Variants in ST3GAL1 observed in about 807,000 individuals in gnomAD.
ST3GAL1 encodes the protein CMP-N-acetylneuraminate-beta-galactosamide-alpha-2,3-sialyltransferase 1.
A neutral mutation model predicts 34.1 loss-of-function variants in ST3GAL1; 16 were observed. The ratio of observed to expected loss-of-function variants is 0.47; its 90% CI spans 0.32 to 0.71. The LOEUF (loss-of-function observed/expected upper bound fraction) is 0.71. Among genes scored for constraint, ST3GAL1 ranks in the 30% least tolerant of loss-of-function variants. The pLI is 0.04. For missense variants in ST3GAL1, 353 were observed against 447.4 expected, an observed-to-expected ratio of 0.79 and a Z score of 1.90; for synonymous variants, 191 against 184.7, an observed-to-expected ratio of 1.03 and a Z score of -0.28.
chr8:133,553,719 T>C (rs541576353), intron 1 of ST3GAL1, among the ~76,000 whole-genome samples: 173 of 152,190 alleles, frequency 1.1e-3, no homozygotes, highest in Non-Finnish European at 2.1e-3. Flanking sequence ...TAGTAAAGCA[T>C]AGAGCACCAG....
At chr8:133,560,221 A>G (rs1819177299) in intron 1 of ST3GAL1, among the ~76,000 whole-genome samples, 1 of 149,340 alleles carries the variant, frequency 6.7e-6, no homozygotes, top group Non-Finnish European at 1.5e-5. Context: ...CTCACTACGT[A>G]CCCCATAAAT....
chr8:133,560,627 G>A (rs1819193076), intron 1 of ST3GAL1, among the ~76,000 whole-genome samples: 2 of 152,192 alleles, frequency 1.3e-5, no homozygotes, highest in Non-Finnish European at 2.9e-5. Context: ...GCTGGGCTGG[G>A]GGCCAGGCAC....
At chr8:133,509,266 C>T (rs1365166934) in intron 2 of ST3GAL1, among the ~76,000 whole-genome samples, 2 of 152,328 alleles carry the variant, frequency 1.3e-5, no homozygotes, top group Admixed American at 6.5e-5. Flanking sequence ...ATGCAGTGAG[C>T]GGCTACTGAA....
At chr8:133,538,969 G>C (rs1818386496) in intron 2 of ST3GAL1, among the ~76,000 whole-genome samples, 1 of 152,146 alleles carries the variant, frequency 6.6e-6, no homozygotes, top group African/African-American at 2.4e-5. Context: ...CCGTAAAAAA[G>C]GGAAATGACA....
At chr8:133,568,594 G>A (rs749314286) in intron 1 of ST3GAL1, among the ~76,000 whole-genome samples, 2 of 152,030 alleles carry the variant, frequency 1.3e-5, no homozygotes, top group Non-Finnish European at 2.9e-5. Flanking sequence ...GGTCGCTTTT[G>A]GTGGTGTGGG....
intron 3 of ST3GAL1, among the ~76,000 whole-genome samples, chr8:133,498,047 G>A (rs916116350): frequency 2.6e-5 from 4 of 152,188 alleles, no homozygotes; most frequent in African/African-American, 9.7e-5. Flanking sequence ...CTGTCCAAAT[G>A]CCTTCCTTGG....
intron 2 of ST3GAL1, among the ~76,000 whole-genome samples, chr8:133,531,078 G>C (rs1171535246): frequency 6.6e-6 from 1 of 151,702 alleles, no homozygotes; most frequent in East Asian, 1.9e-4. Context: ...AGCAGTGGCT[G>C]TCCCCCGCTC....
intron 2 of ST3GAL1, among the ~76,000 whole-genome samples, chr8:133,502,414 T>C (rs1817209140): frequency 1.5e-5 from 2 of 133,008 alleles, no homozygotes; most frequent in South Asian, 2.8e-4. Context: ...TCTGCTAGAA[T>C]TGATGTCCTT....
Position 133,556,323 on chromosome 8 carries a change from C to G in ST3GAL1, c.-581-10397G>C, listed in dbSNP as rs1020463672. 6.6e-6 allele frequency among the ~76,000 whole-genome samples: 1 copy of G among 152,242 alleles called. No individual in the cohort carries two copies. The highest frequency in any genetic ancestry group is 2.4e-5 in the African/African-American group (1 of 41,466). The stretch of plus-strand genomic sequence containing the variant: ...CCCAGATCTCACCACTGATCAACAG[C>G]AGGCCTGGTGACTCCAGAGCCTGTC... On this transcript the variant is annotated intron_variant, in intron 1 of 9. Transcript: ENST00000522652. This position sits in a 1 kb window ranked among gnomAD's most constrained non-coding sequence, Gnocchi z 8.9.
chr8:133,561,108 CTTTTTT>C (rs765993286), intron 1 of ST3GAL1, among the ~76,000 whole-genome samples: 4 of 106,214 alleles, frequency 3.8e-5, no homozygotes, highest in Non-Finnish European at 7.6e-5. Flanking sequence ...CCAGAGCCAT[CTTTTTT>C]TTTTTTTTTT....
chr8:133,558,747 T>C (rs1168035724), intron 1 of ST3GAL1, among the ~76,000 whole-genome samples: 1 of 152,184 alleles, frequency 6.6e-6, no homozygotes, highest in Non-Finnish European at 1.5e-5. Flanking sequence ...CCAGTATATT[T>C]TTTTCTCCTT....
intron 3 of ST3GAL1, among the ~76,000 whole-genome samples, chr8:133,485,639 G>C (rs1262250649): frequency 6.6e-6 from 1 of 152,182 alleles, no homozygotes; most frequent in Non-Finnish European, 1.5e-5. Context: ...AAGAAAACCA[G>C]ATGCCCAAGT....
At chr8:133,517,054 T>C (rs1322365928) in intron 2 of ST3GAL1, among the ~76,000 whole-genome samples, 2 of 152,246 alleles carry the variant, frequency 1.3e-5, no homozygotes, top group East Asian at 3.9e-4. Flanking sequence ...ATAAGAGCTG[T>C]TTTCCTGCTG....
intron 1 of ST3GAL1, among the ~76,000 whole-genome samples, chr8:133,547,657 A>G (rs142457782): frequency 2.4e-4 from 37 of 152,314 alleles, no homozygotes; most frequent in Admixed American, 4.6e-4. Context: ...AATCAGCCTA[A>G]CACAAACTGT....
At chr8:133,497,098 G>A (rs57883382) in intron 3 of ST3GAL1, among the ~76,000 whole-genome samples, 17,196 of 152,232 alleles carry the variant, frequency 0.11, 1,507 homozygotes, top group East Asian at 0.51. Context: ...CCAAGACAGA[G>A]GTCTGTCAGC....
chr8:133,483,316 T>A (rs534629539), intron 3 of ST3GAL1, among the ~76,000 whole-genome samples: 1 of 152,178 alleles, frequency 6.6e-6, no homozygotes, highest in Non-Finnish European at 1.5e-5. Flanking sequence ...CACTCCCGCC[T>A]GGCCGACAAA....
At chr8:133,540,712 C>CATATATATATATAGACAT (rs370251723) in intron 2 of ST3GAL1, among the ~76,000 whole-genome samples, 8 of 106,098 alleles carry the variant, frequency 7.5e-5, no homozygotes, top group African/African-American at 1.6e-4. Context: ...TATATACAGA[C>CATATATATATATAGACAT]ATATATATAT....
rs1396645415 is a variant in ST3GAL1, at chr8:133,508,609, C to T, written c.-428-9420G>A. 2.6e-5 allele frequency among the ~76,000 whole-genome samples: 4 copies of T among 152,086 alleles called. No homozygotes were observed. The highest frequency in any genetic ancestry group is 5.9e-5 in the Non-Finnish European group (4 of 68,012). ...GAGACAATCTCAGAAGCAGGGCACT[C>T]GCTCAAATTCAGAGACCTTTCTCAA... On this transcript the variant is annotated intron_variant, in intron 2 of 9. Coordinates refer to ENST00000522652, the MANE Select transcript of ST3GAL1 (RefSeq NM_173344.3). This position sits in a 1 kb window ranked among gnomAD's most constrained non-coding sequence, Gnocchi z 4.1.
chr8:133,552,961 T>C (rs184632705), intron 1 of ST3GAL1, among the ~76,000 whole-genome samples: 1 of 152,292 alleles, frequency 6.6e-6, no homozygotes, highest in Non-Finnish European at 1.5e-5. Context: ...ATTAAGATTC[T>C]GAAAGAGTAT....
Sources: gnomAD v4.1 joint callset for allele counts (sites outside exome capture counted in the v4.1 genomes callset) on GRCh38, gnomAD v4.1.1 for gene constraint, Gnocchi (gnomAD v3.1) non-coding constraint, MANE v1.5 for transcripts, NCBI Gene and HGNC (gene_info 2026-07-23, HGNC 2026-07-21) for gene names.